SRCIN1: variants seen among roughly 807,000 people sequenced by gnomAD.
SRCIN1 encodes SRC kinase signaling inhibitor 1.
SRCIN1 carries 50 observed loss-of-function variants against 116.2 expected under a neutral mutation model. The observed-to-expected ratio is 0.43, with a 90% confidence interval of 0.34 to 0.54. SRCIN1 has a LOEUF of 0.54. Ranked by LOEUF, SRCIN1 falls within the 20% of genes least tolerant of loss-of-function variation. The pLI is 0.02. For missense variants in SRCIN1, 1,446 were observed against 1,672.0 expected (o/e 0.86, Z 2.36); for synonymous variants, 736 against 750.0 (o/e 0.98, Z 0.30).
intron 18 of SRCIN1, among the ~76,000 whole-genome samples, chr17:38,539,115 T>C (rs1904569947): frequency 6.6e-6 from 1 of 152,226 alleles, no homozygotes; most frequent in Non-Finnish European, 1.5e-5. Flanking sequence ...ACTCAACAAA[T>C]ATTTACTGAG....
At chr17:38,555,927 G>A (rs934620776) in intron 11 of SRCIN1, among the ~76,000 whole-genome samples, 3 of 152,230 alleles carry the variant, frequency 2.0e-5, no homozygotes, top group Non-Finnish European at 4.4e-5. Context: ...GCTTCCAGGA[G>A]ATGACAACAC....
At chr17:38,599,718 T>C (rs1383461260) in intron 1 of SRCIN1, among the ~76,000 whole-genome samples, 1 of 152,178 alleles carries the variant, frequency 6.6e-6, no homozygotes, top group Non-Finnish European at 1.5e-5. Flanking sequence ...CACACCCTTA[T>C]GTTTGCCCAC....
rs573562439 is a variant in SRCIN1 at position 38,535,107 on chromosome 17, G to A, written c.3418-1676C>T. Among the ~76,000 whole-genome samples the A allele has an allele frequency of 3.9e-5, 6 of 152,060 alleles. No homozygotes were observed. The East Asian group carries it at 1.2e-3, about 29-fold the overall frequency. On this transcript the variant is annotated intron_variant, in intron 18 of 18. Transcript: ENST00000617146. ...TGACTGCACCACTGCACTCCAGCCT[G>A]GGTGACAGAATGAGGCCCTGTTTTT...
chr17:38,592,007 G>T (rs1453812685), intron 1 of SRCIN1, among the ~76,000 whole-genome samples: 1 of 152,214 alleles, frequency 6.6e-6, no homozygotes, highest in African/African-American at 2.4e-5. Flanking sequence ...AAGCCCACAT[G>T]ATAATATCTG....
At chr17:38,554,244 G>T (rs2143124325) in intron 11 of SRCIN1, among the ~76,000 whole-genome samples, 1 of 152,176 alleles carries the variant, frequency 6.6e-6, no homozygotes, top group South Asian at 2.1e-4. Flanking sequence ...CTTCATGGGG[G>T]CCATCAGGTG....
chr17:38,597,836 T>C lies in SRCIN1; in HGVS notation c.22+7848A>G, dbSNP rs778725860. Among the ~76,000 whole-genome samples the C allele has an allele frequency of 5.2e-4, 79 of 152,180 alleles. 1 individual carries two copies. The highest frequency in any genetic ancestry group is 9.1e-4 in the Non-Finnish European group (62 of 68,022). On this transcript the variant is annotated intron_variant, in intron 1 of 18. Transcript: ENST00000617146. Reference sequence around the variant, plus strand: ...GTAGAAGAGAAGATTTCTCTTCGGCTCTGCCTCGTCCTAAGAGTGGGAGGC... The same window carrying C: ...GTAGAAGAGAAGATTTCTCTTCGGCCCTGCCTCGTCCTAAGAGTGGGAGGC...
chr17:38,563,672 C>G lies in SRCIN1; in HGVS notation c.542-151G>C, dbSNP rs1315079507. On this transcript the variant is annotated intron_variant, in intron 4 of 18. Coordinates refer to ENST00000617146, the MANE Select transcript of SRCIN1 (RefSeq NM_025248.3). This position sits in a 1 kb window ranked among gnomAD's most constrained non-coding sequence, Gnocchi z 5.8. ...CCCGAGTGCAGATGCACCCAGGCAC[C>G]TCTCATGCTGCCGGCGGGGGCGCCA... 1 of 1,093,948 alleles carries G rather than the reference C, an allele frequency of 9.1e-7. No individual in the cohort carries two copies. Among genetic ancestry groups the G allele is most frequent in the Admixed American group, 2.0e-5 (1 of 50,086 alleles). 67.8% of individuals were successfully genotyped at this position (1,093,948 alleles called of 1,614,324 possible). A position where few individuals can be genotyped will look rare whatever the true frequency, so the allele number is the denominator to read the frequency against.
intron 18 of SRCIN1, 49 bp from the exon 19 acceptor site, chr17:38,533,480 C>T: frequency 8.5e-6 from 13 of 1,525,380 alleles, no homozygotes; most frequent in Non-Finnish European, 1.1e-5. Context: ...GGGAGCGCCT[C>T]CATGCTGGCC....
intron 1 of SRCIN1, among the ~76,000 whole-genome samples, chr17:38,588,545 G>C (rs540513643): frequency 7.0e-6 from 1 of 143,094 alleles, no homozygotes; most frequent in South Asian, 2.1e-4. Flanking sequence ...GAGGAAGGCC[G>C]GTGCCTGTCC....
At chr17:38,538,566 A>T (rs1292218280) in intron 18 of SRCIN1, among the ~76,000 whole-genome samples, 1 of 152,126 alleles carries the variant, frequency 6.6e-6, no homozygotes, top group African/African-American at 2.4e-5. Flanking sequence ...TGGTTACAGG[A>T]TACCTTTCCT....
intron 1 of SRCIN1, among the ~76,000 whole-genome samples, chr17:38,597,599 A>T (rs752461740): frequency 7.9e-5 from 12 of 152,228 alleles, no homozygotes; most frequent in Admixed American, 6.5e-5. Context: ...GAGCTTCAGA[A>T]AGGTGAAGCA....
At chr17:38,606,948 T>C (rs1909398468), upstream of SRCIN1, among the ~76,000 whole-genome samples, 1 of 152,236 alleles carries the variant, frequency 6.6e-6, no homozygotes, top group Admixed American at 6.5e-5. The surrounding 1 kb of genome is among the most constrained non-coding windows in gnomAD (Gnocchi z 5.2). Context: ...TATTTACTTC[T>C]GGAGTTTCCA....
chr17:38,564,020 G>A (rs1906483519), intron 4 of SRCIN1, 98 bp downstream of exon 4: 27 of 1,369,488 alleles, frequency 2.0e-5, no homozygotes, highest in Non-Finnish European at 2.6e-5. Context: ...AGAGCTTGAG[G>A]CGAGCTGGCG....
chr17:38,596,263 C>T (rs569504266), intron 1 of SRCIN1, among the ~76,000 whole-genome samples: 1 of 152,242 alleles, frequency 6.6e-6, no homozygotes, highest in African/African-American at 2.4e-5. Context: ...GGGCCATGGG[C>T]CATGGGGTTG....
chr17:38,534,107 T>C (rs1292558839), intron 18 of SRCIN1, among the ~76,000 whole-genome samples: 1 of 152,198 alleles, frequency 6.6e-6, no homozygotes. Context: ...TACTCCCTCA[T>C]GACTTGTCCT....
chr17:38,550,642 A>G (rs1003820740), intron 15 of SRCIN1, among the ~76,000 whole-genome samples: 2 of 152,276 alleles, frequency 1.3e-5, no homozygotes, highest in African/African-American at 4.8e-5. Flanking sequence ...CTTTTAAAGC[A>G]AGCCCTGTCT....
In SRCIN1 at chr17:38,604,500, G is replaced by T. The variant is rs12952883; in HGVS notation, c.22+1184C>A. 93,219 of 453,832 alleles carry T rather than the reference G, an allele frequency of 0.21. 10,574 individuals carry two copies. The highest frequency in any genetic ancestry group is 0.31 in the Admixed American group (12,919 of 42,330). 28.1% of individuals were successfully genotyped at this position (453,832 alleles called of 1,614,324 possible). ...TCACCTGGCTCCCCTCGGCCCCCAG[G>T]GTCCCTCGGTCCAGCCTCCTCCCTG... On this transcript the variant is annotated intron_variant, in intron 1 of 18. Coordinates refer to ENST00000617146, the MANE Select transcript of SRCIN1 (RefSeq NM_025248.3). This position sits in a 1 kb window ranked among gnomAD's most constrained non-coding sequence, Gnocchi z 4.3.
At chr17:38,536,332 T>G (rs957396156) in intron 18 of SRCIN1, among the ~76,000 whole-genome samples, 1 of 152,222 alleles carries the variant, frequency 6.6e-6, no homozygotes, top group Admixed American at 6.5e-5. Context: ...AAGGTTCCTG[T>G]CATTTCCTTT....
At chr17:38,567,737 A>T (rs539491159) in intron 3 of SRCIN1, among the ~76,000 whole-genome samples, 1 of 152,144 alleles carries the variant, frequency 6.6e-6, no homozygotes, top group African/African-American at 2.4e-5. Context: ...GTGTAGGACC[A>T]TGAGTCTCCT....
Sources: allele counts gnomAD v4.1 joint callset (sites outside exome capture counted in the v4.1 genomes callset), GRCh38; gene constraint gnomAD v4.1.1; non-coding constraint Gnocchi (gnomAD v3.1); transcripts MANE v1.5; gene names NCBI Gene and HGNC (gene_info 2026-07-23, HGNC 2026-07-21).